Variants in MSI2 observed in about 807,000 individuals in gnomAD.
MSI2 encodes the protein RNA-binding protein Musashi homolog 2.
In MSI2, 17 loss-of-function variants were observed where a neutral mutation model predicts 45.6. The ratio of observed to expected loss-of-function variants is 0.37; its 90% CI spans 0.26 to 0.56. The LOEUF (loss-of-function observed/expected upper bound fraction) is 0.56. Among genes scored for constraint, MSI2 ranks in the 20% least tolerant of loss-of-function variants. MSI2 has a pLI of 0.77. For missense variants in MSI2, 293 were observed against 444.2 expected (o/e 0.66, Z 3.06); for synonymous variants, 156 against 158.2 (o/e 0.99, Z 0.11).
At chr17:57,645,615 T>A (rs1354971765) in intron 10 of MSI2, among the ~76,000 whole-genome samples, 2 of 150,846 alleles carry the variant, frequency 1.3e-5, no homozygotes, top group African/African-American at 4.9e-5. Context: ...TTTTTTTTTT[T>A]ATTTTTAGTA....
chr17:57,442,248 G>A (rs2084814393), intron 6 of MSI2, among the ~76,000 whole-genome samples: 1 of 152,158 alleles, frequency 6.6e-6, no homozygotes, highest in South Asian at 2.1e-4. Context: ...TGTTGGCCAG[G>A]ATGGTCTCTA....
chr17:57,652,227 C>T lies in MSI2; in HGVS notation c.790+66C>T. ...CCAGTGTGCAGGGGGAGGTCAAGGC[C>T]CTGTCGGATCTGTGTGGCTGCATCT... On this transcript the variant is annotated intron_variant, in intron 11 of 13. Transcript: ENST00000284073. This position sits in a 1 kb window ranked among gnomAD's most constrained non-coding sequence, Gnocchi z 4.1. The T allele has an allele frequency of 6.9e-7, 1 of 1,452,974 alleles. No homozygotes were observed. Among genetic ancestry groups the T allele is most frequent in the African/African-American group, 1.4e-5 (1 of 71,914 alleles). The allele number at this position is 1,452,974 out of a possible 1,614,324, so 90.0% of individuals were successfully genotyped here.
intron 6 of MSI2, among the ~76,000 whole-genome samples, chr17:57,525,792 T>C (rs2086684422): frequency 6.6e-6 from 1 of 152,222 alleles, no homozygotes; most frequent in African/African-American, 2.4e-5. Flanking sequence ...GGGGAGCCAC[T>C]AGGCCTGCAG....
chr17:57,443,540 G>C (rs765373855), intron 6 of MSI2, among the ~76,000 whole-genome samples: 10 of 152,166 alleles, frequency 6.6e-5, no homozygotes, highest in Non-Finnish European at 1.2e-4. Flanking sequence ...ATAGAACACG[G>C]TTGGAAGAAC....
intron 5 of MSI2, among the ~76,000 whole-genome samples, chr17:57,306,917 G>A (rs550143223): frequency 1.2e-3 from 178 of 152,262 alleles, no homozygotes; most frequent in Non-Finnish European, 1.8e-3. Flanking sequence ...ATATTCAAAA[G>A]CAAAGTGATG....
chr17:57,465,472 G>T (rs2085312706), intron 6 of MSI2, among the ~76,000 whole-genome samples: 1 of 152,124 alleles, frequency 6.6e-6, no homozygotes, highest in Admixed American at 6.5e-5. Context: ...GTGTTTTTGT[G>T]TTTGTTTTTT....
At chr17:57,437,951 G>A (rs574415220) in intron 6 of MSI2, among the ~76,000 whole-genome samples, 5 of 152,344 alleles carry the variant, frequency 3.3e-5, no homozygotes, top group East Asian at 1.9e-4. Flanking sequence ...GCAGAAAGCC[G>A]TGCACATGCA....
intron 6 of MSI2, among the ~76,000 whole-genome samples, chr17:57,413,647 T>C (rs2084238876): frequency 1.3e-5 from 2 of 151,992 alleles, no homozygotes; most frequent in South Asian, 2.1e-4. Flanking sequence ...GCTTTTCAGA[T>C]CCTCATTTAA....
chr17:57,695,441 A>G, the MSI2 span, among the ~76,000 whole-genome samples: 1 of 152,182 alleles, frequency 6.6e-6, no homozygotes, highest in Non-Finnish European at 1.5e-5. Flanking sequence ...TCCTGCGGTC[A>G]CCCAGGACTT....
intron 6 of MSI2, among the ~76,000 whole-genome samples, chr17:57,486,251 G>A (rs775065576): frequency 1.3e-5 from 2 of 152,176 alleles, no homozygotes; most frequent in African/African-American, 2.4e-5. Context: ...GTTCATAAGC[G>A]TTTGTCTGAG....
chr17:57,472,317 G>A (rs1046948546), intron 6 of MSI2, among the ~76,000 whole-genome samples: 2 of 152,196 alleles, frequency 1.3e-5, no homozygotes, highest in Admixed American at 6.5e-5. Context: ...CTTGTGGCAG[G>A]GGGCAGGGCG....
At chr17:57,634,656 T>C (rs1280281766) in intron 10 of MSI2, among the ~76,000 whole-genome samples, 1 of 152,194 alleles carries the variant, frequency 6.6e-6, no homozygotes, top group African/African-American at 2.4e-5. Flanking sequence ...TTGAATCAGA[T>C]AGTTTTAAGA....
rs1156777674 is a variant in MSI2, at chr17:57,627,206, T to C, written c.653-23T>C. On this transcript the variant is annotated intron_variant, in intron 9 of 13. Coordinates refer to ENST00000284073, the MANE Select transcript of MSI2 (RefSeq NM_138962.4). This position sits in a 1 kb window ranked among gnomAD's most constrained non-coding sequence, Gnocchi z 4.6. ...TGAGGCGGCTGTACTAACAGGACTCTGATCTTTCTCTTTGTGTTCAAGGAT... is the reference window on the plus strand; with the variant it reads ...TGAGGCGGCTGTACTAACAGGACTCCGATCTTTCTCTTTGTGTTCAAGGAT... The C allele has an allele frequency of 6.2e-7, 1 of 1,612,918 alleles. No individual in the cohort carries two copies. Among genetic ancestry groups the C allele is most frequent in the Non-Finnish European group, 8.5e-7 (1 of 1,178,840 alleles).
At chr17:57,373,856 A>G (rs1196638206) in intron 5 of MSI2, among the ~76,000 whole-genome samples, 2 of 152,268 alleles carry the variant, frequency 1.3e-5, no homozygotes, top group Non-Finnish European at 2.9e-5. Context: ...CCATGTTGCC[A>G]GGGGAAATAG....
chr17:57,483,499 G>A (rs1452617616), intron 6 of MSI2, among the ~76,000 whole-genome samples: 1 of 152,202 alleles, frequency 6.6e-6, no homozygotes. Flanking sequence ...TGATGTGGCT[G>A]TTTTGCGGGG....
chr17:57,602,304 C>T (rs1290880335), intron 8 of MSI2, among the ~76,000 whole-genome samples: 1 of 151,972 alleles, frequency 6.6e-6, no homozygotes, highest in Non-Finnish European at 1.5e-5. Context: ...CCCAAGGAAG[C>T]CAAAAGATTG....
At chr17:57,515,059 T>C (rs1032870375) in intron 6 of MSI2, among the ~76,000 whole-genome samples, 6 of 152,234 alleles carry the variant, frequency 3.9e-5, no homozygotes, top group African/African-American at 1.4e-4. Context: ...TTTTCCATAC[T>C]TCAAAAGTAA....
chr17:57,637,107 A>C (rs1260023548), intron 10 of MSI2, among the ~76,000 whole-genome samples: 7 of 152,110 alleles, frequency 4.6e-5, no homozygotes, highest in Non-Finnish European at 4.4e-5. Flanking sequence ...GATTAGATCC[A>C]CAGCCAGATT....
intron 5 of MSI2, among the ~76,000 whole-genome samples, chr17:57,307,227 A>C (rs1911995725): frequency 6.6e-6 from 1 of 152,138 alleles, no homozygotes; most frequent in African/African-American, 2.4e-5. Context: ...TTGCTGTGAA[A>C]GTATTTGTGG....
Sources: allele counts gnomAD v4.1 joint callset (sites outside exome capture counted in the v4.1 genomes callset), GRCh38; gene constraint gnomAD v4.1.1; non-coding constraint Gnocchi (gnomAD v3.1); transcripts MANE v1.5; gene names NCBI Gene and HGNC (gene_info 2026-07-23, HGNC 2026-07-21).